The following MEMO1 variants were observed in gnomAD, a reference collection of about 807,000 sequenced individuals.
The protein encoded by MEMO1 is protein MEMO1.
In MEMO1, 6 loss-of-function variants were observed where a neutral mutation model predicts 45.2. The observed-to-expected ratio is 0.13, with a 90% CI of 0.07 to 0.26. The LOEUF is 0.26. Among genes scored for constraint, MEMO1 ranks in the 10% least tolerant of loss-of-function variants. The pLI is 1.00. For synonymous variants in MEMO1, 78 were observed against 124.3 expected, an observed-to-expected ratio of 0.63 and a Z score of 2.48; for missense variants, 184 against 370.5, an observed-to-expected ratio of 0.50 and a Z score of 4.13.
chr2:31,903,520 T>G (rs1205787346), intron 6 of MEMO1, among the ~76,000 whole-genome samples: 3 of 152,194 alleles, frequency 2.0e-5, no homozygotes, highest in Non-Finnish European at 4.4e-5. Flanking sequence ...CTACCTCCTC[T>G]TTAGGCTTTT....
At chr2:31,890,823 C>T (rs186344928) in intron 7 of MEMO1, among the ~76,000 whole-genome samples, 82 of 152,246 alleles carry the variant, frequency 5.4e-4, no homozygotes, top group Admixed American at 1.1e-3. Flanking sequence ...AGTATTGCCA[C>T]CCTCCAAACC....
chr2:31,912,150 C>T (rs1680664854), intron 6 of MEMO1, among the ~76,000 whole-genome samples: 1 of 152,024 alleles, frequency 6.6e-6, no homozygotes, highest in South Asian at 2.1e-4. Context: ...GCCTGGTCAA[C>T]AGGGTGAAAC....
At chr2:31,881,715 G>C (rs111813485) in intron 8 of MEMO1, among the ~76,000 whole-genome samples, 1 of 151,940 alleles carries the variant, frequency 6.6e-6, no homozygotes, top group Admixed American at 6.6e-5. Flanking sequence ...TAAAGTTCAA[G>C]TCTTAATATG....
At chr2:31,908,519 C>G (rs541188598) in intron 6 of MEMO1, among the ~76,000 whole-genome samples, 9 of 152,072 alleles carry the variant, frequency 5.9e-5, no homozygotes, top group Non-Finnish European at 1.3e-4. Flanking sequence ...CAGAGCAAAC[C>G]AATGCCCCAA....
At chr2:31,916,685 G>C (rs375639373) in intron 6 of MEMO1, among the ~76,000 whole-genome samples, 1 of 152,084 alleles carries the variant, frequency 6.6e-6, no homozygotes, top group East Asian at 1.9e-4. Flanking sequence ...TCACATTTCT[G>C]AAGAATTAGG....
At chr2:31,923,385 GT>G (rs1682622463) in intron 4 of MEMO1, 1 of 276,846 alleles carries the variant, frequency 3.6e-6, no homozygotes, top group Non-Finnish European at 6.7e-6. Context: ...CCTTCAATAT[GT>G]AATTATTAGC....
At chr2:31,974,562 T>C (rs909817407) in intron 2 of MEMO1, among the ~76,000 whole-genome samples, 4 of 152,096 alleles carry the variant, frequency 2.6e-5, no homozygotes, top group Non-Finnish European at 5.9e-5. Context: ...CTGGCCAACA[T>C]GGTGAAAACC....
rs67557055 is a variant in MEMO1 at position 32,006,964 on chromosome 2, C to CAA, written c.61+3221_61+3222dup. Among the ~76,000 whole-genome samples the CAA allele has an allele frequency of 9.8e-3, 734 of 75,272 alleles. 1 individual carries two copies. Among genetic ancestry groups the CAA allele is most frequent in the Non-Finnish European group, 0.012 (478 of 39,416 alleles). 49.4% of individuals were successfully genotyped at this position (75,272 alleles called of 152,430 possible). On this transcript the variant is annotated intron_variant, in intron 2 of 9. Coordinates refer to ENST00000404530, the MANE Select transcript of MEMO1 (RefSeq NM_001301833.4). Reference sequence around the variant, plus strand: ...TGGGCAACACAGCAAGATTCCATCTCAAAAAAAAAAAAAAAAAAAAAAAGA... The same window carrying CAA: ...TGGGCAACACAGCAAGATTCCATCTCAAAAAAAAAAAAAAAAAAAAAAAAAGA...
intron 2 of MEMO1, among the ~76,000 whole-genome samples, chr2:31,968,615 T>A (rs1668907748): frequency 6.6e-6 from 1 of 152,152 alleles, no homozygotes; most frequent in African/African-American, 2.4e-5. Flanking sequence ...AAAGGAGGTC[T>A]CCTTTTCTTT....
At chr2:31,948,574 C>T (rs544575217) in intron 2 of MEMO1, among the ~76,000 whole-genome samples, 29 of 152,218 alleles carry the variant, frequency 1.9e-4, no homozygotes, top group African/African-American at 6.0e-4. Flanking sequence ...TTTTAAACAG[C>T]GGTTCCTGGA....
At chr2:31,962,186 A>C (rs1172204767) in intron 2 of MEMO1, among the ~76,000 whole-genome samples, 2 of 152,116 alleles carry the variant, frequency 1.3e-5, no homozygotes, top group Non-Finnish European at 2.9e-5. Context: ...GGAGGTCGAG[A>C]CCAGCCTGGG....
intron 2 of MEMO1, among the ~76,000 whole-genome samples, chr2:32,002,186 T>TAC (rs66840564): frequency 0.037 from 4,192 of 114,750 alleles, 135 homozygotes; most frequent in Non-Finnish European, 0.05. Context: ...TATATATATA[T>TAC]ACACACACAC....
intron 2 of MEMO1, among the ~76,000 whole-genome samples, chr2:32,003,993 C>T (rs1673732977): frequency 6.6e-6 from 1 of 151,948 alleles, no homozygotes; most frequent in South Asian, 2.1e-4. Flanking sequence ...TGAGACCAGC[C>T]TCAACAAGAG....
intron 2 of MEMO1, among the ~76,000 whole-genome samples, chr2:31,958,754 C>A (rs565586146): frequency 1.3e-5 from 2 of 152,294 alleles, no homozygotes; most frequent in African/African-American, 2.4e-5. Context: ...CTGGCTCAAG[C>A]CATCCTTCTA....
intron 5 of MEMO1, among the ~76,000 whole-genome samples, chr2:31,918,898 C>A (rs1681868988): frequency 6.6e-6 from 1 of 151,834 alleles, no homozygotes; most frequent in African/African-American, 2.4e-5. Flanking sequence ...GGCAAGCTAC[C>A]CAAAATTAAA....
intron 2 of MEMO1, among the ~76,000 whole-genome samples, chr2:32,007,941 C>T (rs546628232): frequency 3.6e-4 from 55 of 152,314 alleles, no homozygotes; most frequent in African/African-American, 1.3e-3. Context: ...AAGTCCCACA[C>T]TGACTCCCCC....
intron 6 of MEMO1, among the ~76,000 whole-genome samples, chr2:31,905,909 T>C (rs1203204876): frequency 6.6e-6 from 1 of 152,178 alleles, no homozygotes; most frequent in African/African-American, 2.4e-5. Context: ...TATTTATTTC[T>C]TCCAACTCCA....
chr2:32,009,469 G>A (rs985962209), intron 2 of MEMO1, among the ~76,000 whole-genome samples: 1 of 151,960 alleles, frequency 6.6e-6, no homozygotes, highest in Non-Finnish European at 1.5e-5. Context: ...TCCCCATGCA[G>A]AGACCTCGTC....
intron 2 of MEMO1, among the ~76,000 whole-genome samples, chr2:32,001,291 G>A (rs959592648): frequency 2.0e-5 from 3 of 151,486 alleles, no homozygotes; most frequent in Non-Finnish European, 2.9e-5. Context: ...CGCCCGCCTC[G>A]GCCTCCCAAA....
Sources: allele counts gnomAD v4.1 joint callset (sites outside exome capture counted in the v4.1 genomes callset), GRCh38; gene constraint gnomAD v4.1.1; transcripts MANE v1.5; gene names NCBI Gene and HGNC (gene_info 2026-07-23, HGNC 2026-07-21).